AHRR: variants seen among roughly 807,000 people sequenced by gnomAD.
AHRR encodes ahR repressor.
In AHRR, 28 loss-of-function variants were observed where a neutral mutation model predicts 44.0. The ratio of observed to expected loss-of-function variants is 0.64; its 90% CI spans 0.47 to 0.87. The LOEUF (loss-of-function observed/expected upper bound fraction) is 0.87. Ranked by LOEUF, AHRR falls within the 40% of genes least tolerant of loss-of-function variation. AHRR has a pLI of 0.00. For synonymous variants in AHRR, 434 were observed against 407.0 expected (o/e 1.07, Z -0.80); for missense variants, 990 against 953.9 (o/e 1.04, Z -0.50).
In AHRR at chr5:406,893, A is replaced by G. The variant is rs758827935; in HGVS notation, c.352-6451A>G. Reference sequence around the variant, plus strand: ...AGCTTGCAGATGATCCTGATCAAACAGGCAATAATAACAAAGTTTCTTAAT... The same window carrying G: ...AGCTTGCAGATGATCCTGATCAAACGGGCAATAATAACAAAGTTTCTTAAT... On this transcript the variant is annotated intron_variant, in intron 4 of 10. Transcript: ENST00000684583. The surrounding 1 kb of genome is among the most constrained non-coding windows in gnomAD (Gnocchi z 4.7). 6.6e-6 allele frequency among the ~76,000 whole-genome samples: 1 copy of G among 152,248 alleles called. No homozygotes were observed. The highest frequency in any genetic ancestry group is 2.4e-5 in the African/African-American group (1 of 41,462).
In AHRR at chr5:406,230, C is replaced by T. The variant is rs11954975; in HGVS notation, c.352-7114C>T. Among the ~76,000 whole-genome samples, 100 of 152,330 alleles carry T rather than the reference C, an allele frequency of 6.6e-4. No individual in the cohort carries two copies. The highest frequency in any genetic ancestry group is 3.1e-4 in the Non-Finnish European group (21 of 68,030). The stretch of plus-strand genomic sequence containing the variant: ...GGGGACTTCTGCTGCCCCCAGCCCC[C>T]CTTCCTTCCAGCCAGTGGCTCTGTG... On this transcript the variant is annotated intron_variant, in intron 4 of 10. Coordinates refer to ENST00000684583, the MANE Select transcript of AHRR (RefSeq NM_001377236.1). This position sits in a 1 kb window ranked among gnomAD's most constrained non-coding sequence, Gnocchi z 4.7.
intron 7 of AHRR, among the ~76,000 whole-genome samples, chr5:426,861 G>A (rs1325903058): frequency 1.7e-5 from 2 of 115,500 alleles, no homozygotes; most frequent in Admixed American, 9.1e-5. Context: ...GGATGGATGG[G>A]TGGATGGATG....
Position 370,307 on chromosome 5 carries a change from G to A in AHRR, c.245-6303G>A, listed in dbSNP as rs1266011493. Among the ~76,000 whole-genome samples, 7 of 152,216 alleles carry A rather than the reference G, an allele frequency of 4.6e-5. No homozygotes were observed. Among genetic ancestry groups the A allele is most frequent in the African/African-American group, 7.2e-5 (3 of 41,460 alleles). ...TCTGCTCATTTACTCCCCGTGTTACGGTTGTGCAGCATTTCCTGGATCCAC... is the reference window on the plus strand; with the variant it reads ...TCTGCTCATTTACTCCCCGTGTTACAGTTGTGCAGCATTTCCTGGATCCAC... On this transcript the variant is annotated intron_variant, in intron 3 of 10. Coordinates refer to ENST00000684583, the MANE Select transcript of AHRR (RefSeq NM_001377236.1). The surrounding 1 kb of genome is among the most constrained non-coding windows in gnomAD (Gnocchi z 4.5).
At chr5:376,588 T>A in intron 3 of AHRR, 22 bp from the exon 4 acceptor site, 2 of 620,830 alleles carry the variant, frequency 3.2e-6, no homozygotes, top group Non-Finnish European at 4.0e-6. Context: ...GGGTGCCTAA[T>A]GTGTCTTTTC....
At chr5:345,722 CT>C (rs1742649394) in intron 2 of AHRR, among the ~76,000 whole-genome samples, 1 of 151,986 alleles carries the variant, frequency 6.6e-6, no homozygotes, top group Non-Finnish European at 1.5e-5. Flanking sequence ...GGTAAGGCCC[CT>C]TGGCGCCTGG....
At position 338,492 on chromosome 5, in the gene AHRR, T is replaced by A. The variant is rs1742219742; in HGVS notation, c.-10-5401T>A. On this transcript the variant is annotated intron_variant, in intron 1 of 10. Transcript: ENST00000684583. The surrounding 1 kb of genome is among the most constrained non-coding windows in gnomAD (Gnocchi z 4.1). ...CTACCTTCTTGTTTCTGATGAGGAA[T>A]CTGCTGTCATCTTATTTTTGATCCT... is the stretch of plus-strand genomic sequence containing the variant. Among the ~76,000 whole-genome samples the A allele has an allele frequency of 6.6e-6, 1 of 152,216 alleles. No individual in the cohort carries two copies. The highest frequency in any genetic ancestry group is 6.5e-5 in the Admixed American group (1 of 15,280).
chr5:388,046 G>A lies in AHRR; in HGVS notation c.351+11330G>A, dbSNP rs1185843439. Among the ~76,000 whole-genome samples the A allele has an allele frequency of 6.6e-6, 1 of 152,188 alleles. No homozygotes were observed. The highest frequency in any genetic ancestry group is 1.5e-5 in the Non-Finnish European group (1 of 68,018). The stretch of plus-strand genomic sequence containing the variant: ...GGACAGCAGTCATACTGGATTTAGG[G>A]CCCACCCTAATCCAGTGTGACCTCA... On this transcript the variant is annotated intron_variant, in intron 4 of 10. Transcript: ENST00000684583. The surrounding 1 kb of genome is among the most constrained non-coding windows in gnomAD (Gnocchi z 5.2).
chr5:379,745 T>C (rs1225654185), intron 4 of AHRR, among the ~76,000 whole-genome samples: 2 of 152,268 alleles, frequency 1.3e-5, no homozygotes, highest in African/African-American at 4.8e-5. Flanking sequence ...ATGTCCTTTC[T>C]CATATGTATG....
intron 1 of AHRR, among the ~76,000 whole-genome samples, chr5:324,043 CTT>C (rs1254848836): frequency 1.4e-5 from 2 of 145,242 alleles, no homozygotes; most frequent in Non-Finnish European, 2.9e-5. Context: ...CTCTGTCTCT[CTT>C]TCTCTCTCTC....
At chr5:420,323 C>G (rs952330193) in intron 5 of AHRR, among the ~76,000 whole-genome samples, 2 of 152,202 alleles carry the variant, frequency 1.3e-5, no homozygotes, top group Admixed American at 1.3e-4. Flanking sequence ...ATTAACAGAG[C>G]CCAACGAAGA....
intron 4 of AHRR, among the ~76,000 whole-genome samples, chr5:382,238 T>C (rs1162971172): frequency 2.0e-5 from 3 of 152,238 alleles, no homozygotes; most frequent in Non-Finnish European, 2.9e-5. Context: ...TTGTGTAGAA[T>C]TGGTATTATT....
Position 437,765 on chromosome 5 carries a change from C to T in AHRR, c.*2931C>T, listed in dbSNP as rs1444701812. 1 of 152,358 alleles carries T rather than the reference C, an allele frequency of 6.6e-6. No homozygotes were observed. The highest frequency in any genetic ancestry group is 1.9e-4 in the East Asian group (1 of 5,330). 9.4% of individuals were successfully genotyped at this position (152,358 alleles called of 1,614,324 possible). On this transcript the variant is annotated 3_prime_UTR_variant, in exon 11 of 11. Transcript: ENST00000684583. ...CTCTGCCGGTTTTGTGGTGTGGGGA[C>T]CCTACAGGAGGCTGCGGCCCTGAGA...
rs1736955759 is a variant in AHRR at position 435,173 on chromosome 5, ACAGTCGGGGATGAAG to A, written c.*348_*362del. The A allele has an allele frequency of 3.6e-6, 1 of 278,758 alleles. No individual in the cohort carries two copies. The highest frequency in any genetic ancestry group is 4.9e-5 in the Admixed American group (1 of 20,424). 17.3% of individuals were successfully genotyped at this position (278,758 alleles called of 1,614,324 possible). A position where few individuals can be genotyped will look rare whatever the true frequency, so the allele number is the denominator to read the frequency against. ...CACCCGTCCCATGGCTGCCAAGTCC[ACAGTCGGGGATGAAG>A]CAGTCGGGTGATGCTCCCAAGTCCG... On this transcript the variant is annotated 3_prime_UTR_variant, in exon 11 of 11. Transcript: ENST00000684583.
intron 4 of AHRR, among the ~76,000 whole-genome samples, chr5:382,060 A>G (rs1734007481): frequency 6.6e-6 from 1 of 152,158 alleles, no homozygotes; most frequent in Non-Finnish European, 1.5e-5. Flanking sequence ...GCCCAATTCA[A>G]TTTGCTAATA....
chr5:422,449 G>A lies in AHRR; in HGVS notation c.442-280G>A, dbSNP rs35777367. 1.5e-5 allele frequency: 7 copies of A among 462,566 alleles called. No individual in the cohort carries two copies. In the East Asian group the frequency reaches 3.1e-4, roughly 20 times the overall value. The allele number at this position is 462,566 out of a possible 1,614,324, so 28.7% of individuals were successfully genotyped here. On this transcript the variant is annotated intron_variant, in intron 5 of 10. Coordinates refer to ENST00000684583, the MANE Select transcript of AHRR (RefSeq NM_001377236.1). ...TTGGCCCCAGAGTGTCTGCGGCCCA[G>A]AAGATGCCCGTCTCTTAGCCTCCCG...
chr5:432,698 C>G lies in AHRR; in HGVS notation c.971-108C>G, dbSNP rs943882121. On this transcript the variant is annotated intron_variant, in intron 9 of 10. Coordinates refer to ENST00000684583, the MANE Select transcript of AHRR (RefSeq NM_001377236.1). The stretch of plus-strand genomic sequence containing the variant: ...TGCCGTTCCTGGGCTCTGGTCTGTG[C>G]ATTTCTGAGGAGCCGATGGGTCCTG... The G allele has an allele frequency of 1.1e-4, 169 of 1,573,392 alleles. 1 individual carries two copies. Among genetic ancestry groups the G allele is most frequent in the Non-Finnish European group, 1.5e-4 (168 of 1,146,462 alleles).
Position 374,022 on chromosome 5 carries a change from G to A in AHRR, c.245-2588G>A, listed in dbSNP as rs944313711. The stretch of plus-strand genomic sequence containing the variant: ...CTACGCGCTTCTCGGGGAAAAGGCC[G>A]GGGCTGCCGGGTCCGCGGGGCGCAT... On this transcript the variant is annotated intron_variant, in intron 3 of 10. Transcript: ENST00000684583. 1.1e-3 allele frequency among the ~76,000 whole-genome samples: 175 copies of A among 152,176 alleles called. 1 individual carries two copies. The highest frequency in any genetic ancestry group is 3.9e-3 in the African/African-American group (163 of 41,544).
At chr5:391,311 G>GT (rs397970393) in intron 4 of AHRR, among the ~76,000 whole-genome samples, 2 of 143,876 alleles carry the variant, frequency 1.4e-5, no homozygotes, top group African/African-American at 2.6e-5. Context: ...AGGAAGGTGG[G>GT]CCAGAGCGTG....
chr5:388,640 G>C lies in AHRR; in HGVS notation c.351+11924G>C, dbSNP rs1436070686. 6.6e-6 allele frequency among the ~76,000 whole-genome samples: 1 copy of C among 152,196 alleles called. No homozygotes were observed. The highest frequency in any genetic ancestry group is 1.5e-5 in the Non-Finnish European group (1 of 68,036). ...GAGCCGACTGGAGGGGCACAGCCTG[G>C]CATGGGGCTTGGTGACATGAGGAGC... On this transcript the variant is annotated intron_variant, in intron 4 of 10. Coordinates refer to ENST00000684583, the MANE Select transcript of AHRR (RefSeq NM_001377236.1). This position sits in a 1 kb window ranked among gnomAD's most constrained non-coding sequence, Gnocchi z 5.2.
Sources: gnomAD v4.1 joint callset for allele counts (sites outside exome capture counted in the v4.1 genomes callset) on GRCh38, gnomAD v4.1.1 for gene constraint, Gnocchi (gnomAD v3.1) non-coding constraint, MANE v1.5 for transcripts, NCBI Gene and HGNC (gene_info 2026-07-23, HGNC 2026-07-21) for gene names.